The following PTK7 variants were observed in gnomAD, a reference collection of about 807,000 sequenced individuals.
PTK7 encodes protein tyrosine kinase 7 (inactive), also known as inactive tyrosine-protein kinase 7.
In PTK7, 39 loss-of-function variants were observed where a neutral mutation model predicts 116.6. The observed-to-expected ratio is 0.33, with a 90% CI of 0.26 to 0.44. PTK7 has a LOEUF of 0.44. Ranked by LOEUF, PTK7 falls within the 20% of genes least tolerant of loss-of-function variation. PTK7 has a pLI of 1.00. For synonymous variants in PTK7, 546 were observed against 563.6 expected (o/e 0.97, Z 0.44); for missense variants, 1,169 against 1,425.6 (o/e 0.82, Z 2.90).
At chr6:43,146,922 A>G (rs1252524802) in intron 17 of PTK7, among the ~76,000 whole-genome samples, 1 of 152,276 alleles carries the variant, frequency 6.6e-6, no homozygotes, top group Non-Finnish European at 1.5e-5. Flanking sequence ...GTCCCAGGTC[A>G]TGTAGCCTGG....
In PTK7 at chr6:43,161,088, G is replaced by C; in HGVS notation, c.*207G>C. ...AGGCTGACTTGGACCCAAACTGGGCGACTAGGGCTTTGAGCTGGGCAGTTT... is the reference window on the plus strand; with the variant it reads ...AGGCTGACTTGGACCCAAACTGGGCCACTAGGGCTTTGAGCTGGGCAGTTT... On this transcript the variant is annotated 3_prime_UTR_variant, in exon 20 of 20. Transcript: ENST00000230419. 1.4e-6 allele frequency: 1 copy of C among 689,740 alleles called. No homozygotes were observed. The highest frequency in any genetic ancestry group is 2.8e-5 in the East Asian group (1 of 35,256). 42.7% of individuals were successfully genotyped at this position (689,740 alleles called of 1,614,324 possible).
At chr6:43,158,672 C>T in intron 17 of PTK7, 145 bp from the exon 18 acceptor site, 2 of 836,912 alleles carry the variant, frequency 2.4e-6, no homozygotes, top group South Asian at 1.8e-5. Flanking sequence ...CCCCATTTTA[C>T]AGAGAAGGAA....
rs761561036 is a variant in PTK7 at position 43,132,001 on chromosome 6, C to T, written c.813-15C>T. The T allele has an allele frequency of 1.2e-6, 2 of 1,613,792 alleles. No individual in the cohort carries two copies. Among genetic ancestry groups the T allele is most frequent in the South Asian group, 1.1e-5 (1 of 91,072 alleles). On this transcript the variant is annotated splice_polypyrimidine_tract_variant and intron_variant, in intron 5 of 19. Coordinates refer to ENST00000230419, the MANE Select transcript of PTK7 (RefSeq NM_002821.5). ...TATTGGCCACTTTCTCCAAATTGCA[C>T]TCTCCCCTCTGCAGCCCCCCACACC...
chr6:43,158,786 G>A (rs1044585238), intron 17 of PTK7, 31 bp from the exon 18 acceptor site: 1 of 1,607,164 alleles, frequency 6.2e-7, no homozygotes, highest in Non-Finnish European at 8.5e-7. Context: ...CTATTCCTGG[G>A]CTGCTCTAAC....
Position 43,129,540 on chromosome 6 carries a change from C to T in PTK7, c.368-187C>T. 1.5e-6 allele frequency: 1 copy of T among 679,656 alleles called. No homozygotes were observed. The highest frequency in any genetic ancestry group is 1.9e-5 in the South Asian group (1 of 51,600). The allele number at this position is 679,656 out of a possible 1,614,324, so 42.1% of individuals were successfully genotyped here. ...GCCCTTGGCCAAGTGTCAGACTTGA[C>T]CTGCCAGGGACCAGGCAGGCACTTA... On this transcript the variant is annotated intron_variant, in intron 2 of 19. Coordinates refer to ENST00000230419, the MANE Select transcript of PTK7 (RefSeq NM_002821.5). The surrounding 1 kb of genome is among the most constrained non-coding windows in gnomAD (Gnocchi z 4.5).
intron 1 of PTK7, among the ~76,000 whole-genome samples, chr6:43,112,944 T>A (rs1768273345): frequency 6.6e-6 from 1 of 152,192 alleles, no homozygotes; most frequent in Non-Finnish European, 1.5e-5. Flanking sequence ...TCCTCTCGCC[T>A]CAGCCTCCCA....
At chr6:43,080,218 G>C (rs1362254935) in intron 1 of PTK7, among the ~76,000 whole-genome samples, 1 of 152,040 alleles carries the variant, frequency 6.6e-6, no homozygotes, top group African/African-American at 2.4e-5. Flanking sequence ...CAGGCGTGGT[G>C]GCAGGCGCCT....
chr6:43,091,047 C>T (rs1044058285), intron 1 of PTK7, among the ~76,000 whole-genome samples: 2 of 152,188 alleles, frequency 1.3e-5, no homozygotes, highest in Non-Finnish European at 2.9e-5. Context: ...CCTTGCTCCC[C>T]GCTTCCCAGG....
intron 1 of PTK7, among the ~76,000 whole-genome samples, chr6:43,079,503 A>G (rs969622905): frequency 1.3e-5 from 2 of 151,242 alleles, no homozygotes; most frequent in South Asian, 4.2e-4. Context: ...TCCGTCTCAA[A>G]AAAAAAAAAA....
chr6:43,085,154 G>GAT (rs1251001057), intron 1 of PTK7, among the ~76,000 whole-genome samples: 1 of 152,172 alleles, frequency 6.6e-6, no homozygotes, highest in African/African-American at 2.4e-5. Context: ...GTGAAGTTGT[G>GAT]ATATAATGCT....
At chr6:43,083,319 C>A (rs1335224675) in intron 1 of PTK7, among the ~76,000 whole-genome samples, 3 of 152,224 alleles carry the variant, frequency 2.0e-5, no homozygotes, top group Non-Finnish European at 4.4e-5. Flanking sequence ...CCTCACCTTG[C>A]CCTGGAGCTG....
intron 3 of PTK7, 124 bp from the exon 4 acceptor site, chr6:43,130,106 C>T: frequency 1.9e-6 from 2 of 1,064,526 alleles, no homozygotes; most frequent in Admixed American, 4.6e-5. Context: ...AAGTCCCTTC[C>T]CTTCCTCAGG....
Position 43,143,644 on chromosome 6 carries a change from T to C in PTK7, c.2251+24T>C. ...CGGTGAGGGGCCCTGGACGGGGAGG[T>C]GGTGCCCGTGTGCGGGAGCTGAGCG... On this transcript the variant is annotated intron_variant, in intron 14 of 19. Coordinates refer to ENST00000230419, the MANE Select transcript of PTK7 (RefSeq NM_002821.5). The surrounding 1 kb of genome is among the most constrained non-coding windows in gnomAD (Gnocchi z 4.2). The C allele has an allele frequency of 6.2e-7, 1 of 1,600,800 alleles. No individual in the cohort carries two copies. The highest frequency in any genetic ancestry group is 8.5e-7 in the Non-Finnish European group (1 of 1,175,052).
chr6:43,087,528 C>T (rs952304928), intron 1 of PTK7, among the ~76,000 whole-genome samples: 2 of 152,152 alleles, frequency 1.3e-5, no homozygotes, highest in African/African-American at 2.4e-5. Context: ...TGAGCTCCAG[C>T]GCTGGGTATC....
chr6:43,116,565 G>A (rs1768531588), intron 1 of PTK7, among the ~76,000 whole-genome samples: 1 of 150,970 alleles, frequency 6.6e-6, no homozygotes, highest in South Asian at 2.1e-4. Flanking sequence ...TGAATTTTTG[G>A]GCTTGAGTGG....
chr6:43,092,478 T>C (rs1200125094), intron 1 of PTK7, among the ~76,000 whole-genome samples: 1 of 152,192 alleles, frequency 6.6e-6, no homozygotes, highest in African/African-American at 2.4e-5. Context: ...AATGAAACTT[T>C]ATTGTAGGTA....
At chr6:43,079,564 T>C (rs1436174485) in intron 1 of PTK7, among the ~76,000 whole-genome samples, 2 of 152,026 alleles carry the variant, frequency 1.3e-5, no homozygotes, top group Non-Finnish European at 2.9e-5. Flanking sequence ...TATTTACATA[T>C]AACGTACACA....
intron 1 of PTK7, among the ~76,000 whole-genome samples, chr6:43,100,479 T>C (rs1431143388): frequency 6.6e-6 from 1 of 151,646 alleles, no homozygotes; most frequent in East Asian, 1.9e-4. Context: ...AAGTAGAAAA[T>C]TGAACTGTAA....
At chr6:43,109,860 G>A (rs971748843) in intron 1 of PTK7, among the ~76,000 whole-genome samples, 4 of 151,746 alleles carry the variant, frequency 2.6e-5, no homozygotes, top group Non-Finnish European at 4.4e-5. Flanking sequence ...GACCACGCCC[G>A]GCTAATTTTT....
Sources: allele counts gnomAD v4.1 joint callset (sites outside exome capture counted in the v4.1 genomes callset), GRCh38; gene constraint gnomAD v4.1.1; non-coding constraint Gnocchi (gnomAD v3.1); transcripts MANE v1.5; gene names NCBI Gene and HGNC (gene_info 2026-07-23, HGNC 2026-07-21).